NDUFS4: variants seen among roughly 807,000 people sequenced by gnomAD.
The protein encoded by NDUFS4 is NADH:ubiquinone oxidoreductase subunit S4.
Under a neutral mutation model 24.3 loss-of-function variants are expected in NDUFS4, and 28 were observed. The observed-to-expected ratio is 1.15, with a 90% CI of 0.85 to 1.58. NDUFS4 has a LOEUF of 1.58. Ranked by LOEUF, NDUFS4 falls within the 40% of genes most tolerant of loss-of-function variation. NDUFS4 has a pLI of 0.00. For synonymous variants in NDUFS4, 93 were observed against 69.7 expected, an observed-to-expected ratio of 1.34 and a Z score of -1.67; for missense variants, 223 against 207.9, an observed-to-expected ratio of 1.07 and a Z score of -0.45.
At chr5:53,563,613 C>T (rs569392583) in intron 1 of NDUFS4, among the ~76,000 whole-genome samples, 11 of 152,014 alleles carry the variant, frequency 7.2e-5, no homozygotes, top group South Asian at 4.2e-4. Flanking sequence ...GCGATTCTCC[C>T]GCCCCAGCCT....
At chr5:53,572,586 C>G (rs958183939) in intron 1 of NDUFS4, among the ~76,000 whole-genome samples, 8 of 151,020 alleles carry the variant, frequency 5.3e-5, no homozygotes, top group African/African-American at 1.9e-4. Context: ...ATTGTGCTTT[C>G]GTTGTTGAGC....
At chr5:53,658,648 AAGTC>A in intron 4 of NDUFS4, 24 bp downstream of exon 4, 1 of 1,573,646 alleles carries the variant, frequency 6.4e-7, no homozygotes, top group African/African-American at 1.3e-5. Flanking sequence ...GTTTTTGACA[AAGTC>A]AAGATAATGA....
intron 2 of NDUFS4, among the ~76,000 whole-genome samples, chr5:53,627,192 G>C (rs2112484851): frequency 6.6e-6 from 1 of 152,276 alleles, no homozygotes; most frequent in African/African-American, 2.4e-5. Context: ...GATGGTTGTA[G>C]ATATGTGGGG....
At chr5:53,637,076 C>G (rs574427723) in intron 2 of NDUFS4, among the ~76,000 whole-genome samples, 48 of 152,298 alleles carry the variant, frequency 3.2e-4, no homozygotes, top group African/African-American at 1.1e-3. Context: ...CTTTTTAAGT[C>G]TGCTTTGCTG....
chr5:53,585,730 G>A (rs59839004), intron 1 of NDUFS4, among the ~76,000 whole-genome samples: 4,967 of 150,432 alleles, frequency 0.033, 290 homozygotes, highest in African/African-American at 0.11. Flanking sequence ...CAACAAGAGC[G>A]TAACTCCGTC....
At chr5:53,661,650 A>G (rs1490403159) in intron 4 of NDUFS4, among the ~76,000 whole-genome samples, 1 of 152,126 alleles carries the variant, frequency 6.6e-6, no homozygotes, top group East Asian at 1.9e-4. Flanking sequence ...ATGTTCTTCC[A>G]TTTGTTTGTA....
Position 53,603,511 on chromosome 5 carries a change from T to C in NDUFS4, c.158T>C (p.Ile53Thr), listed in dbSNP as rs151297702. The C allele has an allele frequency of 6.2e-6, 10 of 1,613,864 alleles. No individual in the cohort carries two copies. The highest frequency in any genetic ancestry group is 1.3e-5 in the African/African-American group (1 of 75,022). ...AQDQTQDTQL[I>T]TVDEKLDITT... is the part of the protein sequence containing the mutation. ...GACCAGACTCAAGACACACAACTCATAACAGTTGATGAAAAATTGGTAAGG... is the reference window on the plus strand; with the variant it reads ...GACCAGACTCAAGACACACAACTCACAACAGTTGATGAAAAATTGGTAAGG... Residue 53 changes from isoleucine (I) to threonine (T), a missense_variant, in exon 2 of 5, where the codon ATA becomes ACA. By Grantham distance (89) the Ile-to-Thr change is moderately conservative. Coordinates refer to ENST00000296684, the MANE Select transcript of NDUFS4 (RefSeq NM_002495.4).
At chr5:53,681,423 A>AAG in intron 4 of NDUFS4, among the ~76,000 whole-genome samples, 1 of 152,268 alleles carries the variant, frequency 6.6e-6, no homozygotes, top group South Asian at 2.1e-4. Flanking sequence ...GAATTATCAC[A>AAG]TCCTTATGAA....
At chr5:53,641,100 G>T (rs963685076) in intron 2 of NDUFS4, among the ~76,000 whole-genome samples, 4 of 152,110 alleles carry the variant, frequency 2.6e-5, no homozygotes, top group Non-Finnish European at 5.9e-5. Context: ...TAAAAAATAC[G>T]TTGAATAAAT....
At chr5:53,572,617 G>A (rs112360630) in intron 1 of NDUFS4, among the ~76,000 whole-genome samples, 2,616 of 151,330 alleles carry the variant, frequency 0.017, 76 homozygotes, top group African/African-American at 0.06. Context: ...ACCCCAGGCT[G>A]TGAAGATTTT....
At chr5:53,590,012 C>A (rs536869855) in intron 1 of NDUFS4, among the ~76,000 whole-genome samples, 42 of 152,228 alleles carry the variant, frequency 2.8e-4, no homozygotes, top group African/African-American at 1.0e-3. Context: ...CTCTAGAGAA[C>A]CCTGACTAAT....
At chr5:53,561,691 TGAAAG>T (rs1236588302) in intron 1 of NDUFS4, among the ~76,000 whole-genome samples, 2 of 152,112 alleles carry the variant, frequency 1.3e-5, no homozygotes, top group African/African-American at 2.4e-5. Flanking sequence ...GGTTAAAAGT[TGAAAG>T]GAAGGTCTAG....
intron 1 of NDUFS4, among the ~76,000 whole-genome samples, chr5:53,566,281 C>G (rs2112407108): frequency 6.6e-6 from 1 of 152,248 alleles, no homozygotes; most frequent in African/African-American, 2.4e-5. Context: ...AGAATTTAGT[C>G]AGAATACATA....
chr5:53,562,333 A>G (rs759762864), intron 1 of NDUFS4, among the ~76,000 whole-genome samples: 4 of 152,202 alleles, frequency 2.6e-5, no homozygotes, highest in Non-Finnish European at 5.9e-5. Context: ...TGTCATTCCC[A>G]GATAATAATG....
At chr5:53,682,879 A>ACAT (rs755800668) in intron 4 of NDUFS4, among the ~76,000 whole-genome samples, 3 of 152,138 alleles carry the variant, frequency 2.0e-5, no homozygotes, top group South Asian at 2.1e-4. Context: ...ATCATAGTTT[A>ACAT]CATCTTTAAC....
At chr5:53,667,128 G>C (rs1242055363) in intron 4 of NDUFS4, among the ~76,000 whole-genome samples, 1 of 152,086 alleles carries the variant, frequency 6.6e-6, no homozygotes, top group Non-Finnish European at 1.5e-5. Flanking sequence ...TTCAGCTACA[G>C]TGGAAGGAAG....
At position 53,579,819 on chromosome 5, in the gene NDUFS4, T is replaced by C. The variant is rs115640445; in HGVS notation, c.98+19059T>C. On this transcript the variant is annotated intron_variant, in intron 1 of 4. Coordinates refer to ENST00000296684, the MANE Select transcript of NDUFS4 (RefSeq NM_002495.4). Reference sequence around the variant, plus strand: ...CCTGATGTAATCACAATGGTCCTTATAAGAAGGATGCAGGTGGAGTCAGAG... The same window carrying C: ...CCTGATGTAATCACAATGGTCCTTACAAGAAGGATGCAGGTGGAGTCAGAG... 8.5e-3 allele frequency among the ~76,000 whole-genome samples: 1,290 copies of C among 152,280 alleles called. 17 individuals carry two copies. The highest frequency in any genetic ancestry group is 0.029 in the African/African-American group (1,204 of 41,548).
intron 4 of NDUFS4, among the ~76,000 whole-genome samples, chr5:53,672,543 CTGATAATCTAGA>C (rs772857036): frequency 6.6e-6 from 1 of 151,974 alleles, no homozygotes; most frequent in Non-Finnish European, 1.5e-5. Context: ...GATCTAAAAT[CTGATAATCTAGA>C]AGGGGAAGGG....
intron 1 of NDUFS4, among the ~76,000 whole-genome samples, chr5:53,601,652 T>C (rs1232469922): frequency 2.6e-5 from 4 of 152,164 alleles, no homozygotes; most frequent in African/African-American, 9.7e-5. Context: ...TCCAAAAATA[T>C]GCAGTGGAAA....
Sources: allele counts gnomAD v4.1 joint callset (sites outside exome capture counted in the v4.1 genomes callset), GRCh38; gene constraint gnomAD v4.1.1; transcripts MANE v1.5; gene names NCBI Gene and HGNC (gene_info 2026-07-23, HGNC 2026-07-21).